IL5RA: variants seen among roughly 807,000 people sequenced by gnomAD.
The protein encoded by IL5RA is interleukin 5 receptor subunit alpha.
In IL5RA, 49 loss-of-function variants were observed where a neutral mutation model predicts 50.0. The ratio of observed to expected loss-of-function variants is 0.98; its 90% confidence interval spans 0.78 to 1.24. IL5RA has a LOEUF of 1.24. Ranked by LOEUF, IL5RA falls within the 50% of genes most tolerant of loss-of-function variation. IL5RA has a pLI of 0.00. For synonymous variants in IL5RA, 202 were observed against 174.0 expected, an observed-to-expected ratio of 1.16 and a Z score of -1.26; for missense variants, 600 against 500.4, an observed-to-expected ratio of 1.20 and a Z score of -1.90.
intron 5 of IL5RA, 67 bp downstream of exon 5, chr3:3,101,625 T>C (rs943094850): frequency 1.4e-5 from 21 of 1,541,864 alleles, no homozygotes; most frequent in Non-Finnish European, 1.7e-5. Flanking sequence ...TTAGTGTTAA[T>C]TTTTCTACTT....
chr3:3,098,587 C>A (rs1489684320), intron 5 of IL5RA, among the ~76,000 whole-genome samples: 4 of 151,958 alleles, frequency 2.6e-5, no homozygotes, highest in Non-Finnish European at 4.4e-5. Flanking sequence ...TTTGTATTTT[C>A]AGTAGAGCTG....
intron 11 of IL5RA, among the ~76,000 whole-genome samples, chr3:3,070,771 C>T (rs189085093): frequency 1.6e-4 from 24 of 151,642 alleles, no homozygotes; most frequent in African/African-American, 5.1e-4. Context: ...TTAGTAGAAA[C>T]GGGGTTTCAC....
chr3:3,092,171 C>G lies in IL5RA; in HGVS notation c.994+53G>C, dbSNP rs370331429. ...TGAACGGGTACGTTTCTGGGATTAC[C>G]TTTTTTGATCACAAGGAAGGCTGCC... On this transcript the variant is annotated intron_variant, in intron 9 of 11. Coordinates refer to ENST00000446632, the MANE Select transcript of IL5RA (RefSeq NM_175726.4). The surrounding 1 kb of genome is among the most constrained non-coding windows in gnomAD (Gnocchi z 4.2). 8 of 1,592,158 alleles carry G rather than the reference C, an allele frequency of 5.0e-6. No individual in the cohort carries two copies. Among genetic ancestry groups the G allele is most frequent in the African/African-American group, 1.4e-5 (1 of 73,880 alleles).
At chr3:3,103,169 C>T (rs894258305) in intron 3 of IL5RA, among the ~76,000 whole-genome samples, 11 of 152,318 alleles carry the variant, frequency 7.2e-5, no homozygotes, top group Admixed American at 7.2e-4. Flanking sequence ...AGGCATGAGC[C>T]ACCACGCCTG....
chr3:3,098,155 T>C lies in IL5RA; in HGVS notation c.503A>G (p.Gln168Arg), dbSNP rs759468338. 6 of 1,614,082 alleles carry C rather than the reference T, an allele frequency of 3.7e-6. No homozygotes were observed. The highest frequency in any genetic ancestry group is 2.7e-5 in the African/African-American group (2 of 74,936). The change falls in exon 6 of 12, where the codon CAG becomes CGG. Residue 168 changes from glutamine (Q) to arginine (R), a missense_variant. Physicochemically the swap from Gln to Arg is conservative, Grantham distance 43 (BLOSUM62 1). Coordinates refer to ENST00000446632, the MANE Select transcript of IL5RA (RefSeq NM_175726.4). ...TACTAACCTATAGTAGAGAAAATAC[T>C]GCGTGTCCTCAGGGGCATCTGTGCC... ...LVGTDAPEDT[Q>R]YFLYYRYGSW...
chr3:3,078,072 C>G (rs182559911), intron 9 of IL5RA, among the ~76,000 whole-genome samples: 77 of 152,292 alleles, frequency 5.1e-4, no homozygotes, highest in African/African-American at 1.8e-3. Context: ...AAGAATCACA[C>G]TCAGCAAATA....
intron 2 of IL5RA, among the ~76,000 whole-genome samples, chr3:3,108,096 T>C (rs1016633437): frequency 6.6e-6 from 1 of 152,184 alleles, no homozygotes; most frequent in Admixed American, 6.5e-5. Context: ...CATGCTCTGG[T>C]AGGCTTTTAA....
chr3:3,098,183 C>T lies in IL5RA; in HGVS notation c.475G>A (p.Val159Ile). 1 of 1,614,150 alleles carries T rather than the reference C, an allele frequency of 6.2e-7. No homozygotes were observed. The highest frequency in any genetic ancestry group is 2.2e-5 in the East Asian group (1 of 44,868). Residue 159 changes from valine (V) to isoleucine (I), a missense_variant, in exon 6 of 12, where the codon GTT becomes ATT. Physicochemically the swap from Val to Ile is conservative, Grantham distance 29. Coordinates refer to ENST00000446632, the MANE Select transcript of IL5RA (RefSeq NM_175726.4). ...YQVSLHCTWL[V>I]GTDAPEDTQY... Reference sequence around the variant, plus strand: ...GTGTCCTCAGGGGCATCTGTGCCAACAAGCCAGGTGCAGTGAAGGGAAACT... The same window carrying T: ...GTGTCCTCAGGGGCATCTGTGCCAATAAGCCAGGTGCAGTGAAGGGAAACT...
rs778278871 is a variant in IL5RA, at chr3:3,092,268, C to G, written c.950G>C (p.Arg317Thr). 6.2e-7 allele frequency: 1 copy of G among 1,614,018 alleles called. No individual in the cohort carries two copies. The highest frequency in any genetic ancestry group is 2.2e-5 in the East Asian group (1 of 44,900). ...CCACTCACTCCAGAGCCCTGCCTCT[C>G]TGCACATGGAGCTCACTGCTGCTCT... ...QVRAAVSSMC[R>T]EAGLWSEWSQ... The change falls in exon 9 of 12, where the codon AGA becomes ACA. Residue 317 changes from arginine to threonine, a missense_variant. Physicochemically the swap from Arg to Thr is moderately conservative, Grantham distance 71. Transcript: ENST00000446632. This position sits in a 1 kb window ranked among gnomAD's most constrained non-coding sequence, Gnocchi z 4.2.
At chr3:3,099,958 C>T (rs1703564703) in intron 5 of IL5RA, among the ~76,000 whole-genome samples, 1 of 152,212 alleles carries the variant, frequency 6.6e-6, no homozygotes, top group Non-Finnish European at 1.5e-5. Flanking sequence ...GCGTGAGCGA[C>T]CGCACCCGGC....
chr3:3,107,906 A>T (rs17879978), intron 2 of IL5RA, among the ~76,000 whole-genome samples: 220 of 152,350 alleles, frequency 1.4e-3, no homozygotes, highest in Non-Finnish European at 2.2e-3. Context: ...ACTGAAGTTC[A>T]GACTTACAAA....
chr3:3,096,999 G>C (rs912111785), intron 7 of IL5RA, among the ~76,000 whole-genome samples: 1 of 152,186 alleles, frequency 6.6e-6, no homozygotes, highest in Non-Finnish European at 1.5e-5. Context: ...GCTTGTCCAA[G>C]GTCACTCAGC....
chr3:3,089,246 T>C (rs1268088103), intron 9 of IL5RA, among the ~76,000 whole-genome samples: 1 of 152,202 alleles, frequency 6.6e-6, no homozygotes, highest in African/African-American at 2.4e-5. Flanking sequence ...GCTACCCCTG[T>C]AAGGCTGAGC....
rs543930178 is a variant in IL5RA at position 3,098,289 on chromosome 3, C to A, written c.369G>T (p.Gly123=). ...AATTCACAATTGAGGTTCCAGGAGA[C>A]CCTAGGTAGTCAAAAGTAAAAAGGA... is the stretch of plus-strand genomic sequence containing the variant. ...WASAELHAPP[G]SPGTSIVNLT... Residue 123 remains glycine (G), a splice_region_variant and synonymous_variant, in exon 6 of 12, where the codon GGG becomes GGT. Transcript: ENST00000446632. 5 of 1,613,080 alleles carry A rather than the reference C, an allele frequency of 3.1e-6. No homozygotes were observed. In the African/African-American group the frequency reaches 5.3e-5, roughly 17 times the overall value.
intron 3 of IL5RA, 124 bp from the exon 4 acceptor site, chr3:3,102,944 A>G (rs1373295198): frequency 2.9e-6 from 2 of 686,562 alleles, no homozygotes; most frequent in Non-Finnish European, 4.7e-6. Context: ...CCACAGACAC[A>G]GTTGCTCCTG....
At position 3,067,922 on chromosome 3, in the gene IL5RA, C is replaced by G. The variant is rs954816693; in HGVS notation, c.*2303G>C. On this transcript the variant is annotated 3_prime_UTR_variant, in exon 12 of 12. Transcript: ENST00000446632. ...CCTGCTTCTGTTCCTGCCTCCTAAGCAGAGGCAGTTTCCACAATGCCAACT... is the reference window on the plus strand; with the variant it reads ...CCTGCTTCTGTTCCTGCCTCCTAAGGAGAGGCAGTTTCCACAATGCCAACT... 2 of 152,228 alleles carry G rather than the reference C, an allele frequency of 1.3e-5. No individual in the cohort carries two copies. The highest frequency in any genetic ancestry group is 4.8e-5 in the African/African-American group (2 of 41,462). The allele number at this position is 152,228 out of a possible 1,614,324, so 9.4% of individuals were successfully genotyped here.
At chr3:3,074,726 C>T in intron 11 of IL5RA, 56 bp downstream of exon 11, 1 of 1,010,446 alleles carries the variant, frequency 9.9e-7, no homozygotes, top group Non-Finnish European at 1.6e-6. Context: ...AATGACAGCT[C>T]CCAGGGGACT....
intron 10 of IL5RA, among the ~76,000 whole-genome samples, 163 bp from the exon 11 acceptor site, chr3:3,075,029 G>A (rs1436429004): frequency 6.6e-6 from 1 of 152,020 alleles, no homozygotes; most frequent in East Asian, 1.9e-4. Context: ...GACTTTGTGG[G>A]TACCGCAAGC....
At chr3:3,073,387 G>T (rs994200707) in intron 11 of IL5RA, among the ~76,000 whole-genome samples, 1 of 152,110 alleles carries the variant, frequency 6.6e-6, no homozygotes, top group African/African-American at 2.4e-5. Flanking sequence ...GGCCAAATCT[G>T]GCTTGTTGCC....
Sources: allele counts gnomAD v4.1 joint callset (sites outside exome capture counted in the v4.1 genomes callset), GRCh38; gene constraint gnomAD v4.1.1; non-coding constraint Gnocchi (gnomAD v3.1); transcripts MANE v1.5; gene names NCBI Gene and HGNC (gene_info 2026-07-23, HGNC 2026-07-21).